Variants in CNTNAP2 observed in about 807,000 individuals in gnomAD.
CNTNAP2 encodes contactin-associated protein-like 2.
A neutral mutation model predicts 155.2 loss-of-function variants in CNTNAP2; 98 were observed. The observed-to-expected ratio is 0.63, with a 90% confidence interval of 0.54 to 0.75. The LOEUF is 0.75. Ranked by LOEUF, CNTNAP2 falls within the 30% of genes least tolerant of loss-of-function variation. CNTNAP2 has a pLI of 0.00. For synonymous variants in CNTNAP2, 651 were observed against 631.2 expected, an observed-to-expected ratio of 1.03 and a Z score of -0.47; for missense variants, 1,727 against 1,688.1, an observed-to-expected ratio of 1.02 and a Z score of -0.40.
At chr7:146,373,913 T>C (rs1269686849) in intron 1 of CNTNAP2, among the ~76,000 whole-genome samples, 1 of 152,208 alleles carries the variant, frequency 6.6e-6, no homozygotes, top group Non-Finnish European at 1.5e-5. Flanking sequence ...TAGTTTTTAA[T>C]CACATTCCTA....
intron 13 of CNTNAP2, among the ~76,000 whole-genome samples, chr7:147,667,784 GGCTGCT>G (rs201751772): frequency 6.7e-6 from 1 of 148,284 alleles, no homozygotes; most frequent in Non-Finnish European, 1.5e-5. Flanking sequence ...CTTTTACCCA[GGCTGCT>G]GCTGCAAAAA....
chr7:147,483,274 T>A (rs1194964371), intron 10 of CNTNAP2, among the ~76,000 whole-genome samples: 2 of 152,086 alleles, frequency 1.3e-5, no homozygotes, highest in Non-Finnish European at 2.9e-5. Context: ...ATTTAAATTA[T>A]GTGGGAGGCT....
At chr7:146,523,594 C>T (rs1201586557) in intron 1 of CNTNAP2, among the ~76,000 whole-genome samples, 1 of 151,856 alleles carries the variant, frequency 6.6e-6, no homozygotes, top group Non-Finnish European at 1.5e-5. Context: ...TGGATGTGCA[C>T]CATTTAAAAA....
chr7:147,919,982 A>G (rs1374947584), intron 14 of CNTNAP2, among the ~76,000 whole-genome samples: 1 of 152,144 alleles, frequency 6.6e-6, no homozygotes, highest in Non-Finnish European at 1.5e-5. Flanking sequence ...GTCATCAAAA[A>G]GACCCCGTAA....
At chr7:146,688,333 C>T (rs1800638210) in intron 1 of CNTNAP2, among the ~76,000 whole-genome samples, 1 of 152,044 alleles carries the variant, frequency 6.6e-6, no homozygotes, top group Admixed American at 6.6e-5. Flanking sequence ...TTATCACATA[C>T]TGTTATGCGC....
At chr7:148,204,915 T>C (rs1795424301) in intron 18 of CNTNAP2, among the ~76,000 whole-genome samples, 1 of 152,246 alleles carries the variant, frequency 6.6e-6, no homozygotes, top group Non-Finnish European at 1.5e-5. Context: ...AAAATAGGGA[T>C]GATGACATCT....
intron 12 of CNTNAP2, among the ~76,000 whole-genome samples, chr7:147,593,216 T>C (rs1456970902): frequency 6.6e-6 from 1 of 150,712 alleles, no homozygotes; most frequent in African/African-American, 2.4e-5. Context: ...TCCCTTATTT[T>C]TTTTTTTTTC....
chr7:147,440,884 A>G (rs1432301149), intron 10 of CNTNAP2, among the ~76,000 whole-genome samples: 1 of 152,074 alleles, frequency 6.6e-6, no homozygotes, highest in Admixed American at 6.6e-5. Context: ...TGCTGCTTTT[A>G]GGATCCTTTC....
At chr7:146,977,516 A>G (rs1324491395) in intron 3 of CNTNAP2, among the ~76,000 whole-genome samples, 1 of 152,198 alleles carries the variant, frequency 6.6e-6, no homozygotes, top group Non-Finnish European at 1.5e-5. Context: ...TTTTTGCCAC[A>G]TGTGAACCCT....
chr7:148,264,764 G>A (rs577802150), intron 20 of CNTNAP2, among the ~76,000 whole-genome samples: 1 of 151,814 alleles, frequency 6.6e-6, no homozygotes, highest in African/African-American at 2.4e-5. Flanking sequence ...GCGCGATCTC[G>A]GCTCACTGGA....
At chr7:146,628,847 C>A (rs1799463612) in intron 1 of CNTNAP2, among the ~76,000 whole-genome samples, 1 of 152,114 alleles carries the variant, frequency 6.6e-6, no homozygotes, top group East Asian at 1.9e-4. Flanking sequence ...ACTTCCTGAA[C>A]CATATTTTGC....
intron 1 of CNTNAP2, among the ~76,000 whole-genome samples, chr7:146,351,918 T>TA (rs1198376966): frequency 6.6e-6 from 1 of 152,214 alleles, no homozygotes; most frequent in East Asian, 1.9e-4. Context: ...TCTTGAGTTT[T>TA]AAAACAACAT....
intron 1 of CNTNAP2, among the ~76,000 whole-genome samples, chr7:146,276,421 C>T (rs1490212038): frequency 6.6e-6 from 1 of 152,168 alleles, no homozygotes; most frequent in Non-Finnish European, 1.5e-5. Flanking sequence ...TACTGCCTGT[C>T]ATGTAGTAGG....
At chr7:147,651,904 G>A (rs1056590824) in intron 13 of CNTNAP2, among the ~76,000 whole-genome samples, 3 of 152,106 alleles carry the variant, frequency 2.0e-5, no homozygotes, top group African/African-American at 7.2e-5. Context: ...TACAACCTTC[G>A]GAAAGCTGCA....
At chr7:147,583,323 A>C in intron 12 of CNTNAP2, among the ~76,000 whole-genome samples, 1 of 151,938 alleles carries the variant, frequency 6.6e-6, no homozygotes. Flanking sequence ...ACATACGGCT[A>C]AGCCTGTTTG....
rs375203086 is a variant in CNTNAP2 at position 146,669,296 on chromosome 7, T to G, written c.98-104975T>G. On this transcript the variant is annotated intron_variant, in intron 1 of 23. Transcript: ENST00000361727. The stretch of plus-strand genomic sequence containing the variant: ...TTCTCCATTAGTATGTTCTATTTAC[T>G]TTGACATGGAGATTTTGCAGTAGTT... Among the ~76,000 whole-genome samples the G allele has an allele frequency of 2.2e-4, 33 of 152,268 alleles. 1 individual carries two copies. The East Asian group carries it at 3.7e-3, about 17-fold the overall frequency.
At chr7:147,271,144 A>T (rs1804740733) in intron 8 of CNTNAP2, among the ~76,000 whole-genome samples, 1 of 152,232 alleles carries the variant, frequency 6.6e-6, no homozygotes, top group Admixed American at 6.5e-5. Context: ...AACAACTTGT[A>T]TAGATCATGA....
In CNTNAP2 at chr7:148,417,935, C is replaced by T. The variant is rs2116735536; in HGVS notation, c.*2319C>T. 6.6e-6 allele frequency: 1 copy of T among 152,330 alleles called. No individual in the cohort carries two copies. Among genetic ancestry groups the T allele is most frequent in the South Asian group, 2.1e-4 (1 of 4,824 alleles). 9.4% of individuals were successfully genotyped at this position (152,330 alleles called of 1,614,324 possible). A position where few individuals can be genotyped will look rare whatever the true frequency, so the allele number is the denominator to read the frequency against. On this transcript the variant is annotated 3_prime_UTR_variant, in exon 24 of 24. Transcript: ENST00000361727. ...CAAAAGGTGAAAAATGAGATCCAAT[C>T]CTCTCACCAAAATTTCAAACCTAGG... is the stretch of plus-strand genomic sequence containing the variant.
chr7:146,164,801 A>G (rs530090588), intron 1 of CNTNAP2, among the ~76,000 whole-genome samples: 7 of 121,882 alleles, frequency 5.7e-5, no homozygotes, highest in East Asian at 2.0e-4. Flanking sequence ...CCGTTTCTCT[A>G]TGTTTCATAA....
Sources: allele counts gnomAD v4.1 joint callset (sites outside exome capture counted in the v4.1 genomes callset), GRCh38; gene constraint gnomAD v4.1.1; transcripts MANE v1.5; gene names NCBI Gene and HGNC (gene_info 2026-07-23, HGNC 2026-07-21).